The following LRP1B variants were observed in gnomAD, a reference collection of about 807,000 sequenced individuals.
LRP1B encodes the protein low-density lipoprotein receptor-related protein 1B.
LRP1B carries 217 observed loss-of-function variants against 556.6 expected under a neutral mutation model. The observed-to-expected ratio is 0.39, with a 90% confidence interval of 0.35 to 0.44. LRP1B has a LOEUF of 0.44. Ranked by LOEUF, LRP1B falls within the 20% of genes least tolerant of loss-of-function variation. LRP1B has a pLI of 1.00. For missense variants in LRP1B, 5,053 were observed against 5,620.8 expected (o/e 0.90, Z 3.23); for synonymous variants, 2,047 against 1,865.8 (o/e 1.10, Z -2.50).
At position 141,579,724 on chromosome 2, in the gene LRP1B, C is replaced by CTTTTTCTT. The variant is rs1553538238; in HGVS notation, c.206-99192_206-99191insAAGAAAAA. Among the ~76,000 whole-genome samples the CTTTTTCTT allele has an allele frequency of 1.5e-4, 15 of 100,964 alleles. 3 individuals are homozygous for CTTTTTCTT. The highest frequency in any genetic ancestry group is 6.2e-4 in the African/African-American group (14 of 22,478). The allele number at this position is 100,964 out of a possible 152,430, so 66.2% of individuals were successfully genotyped here. A position where few individuals can be genotyped will look rare whatever the true frequency, so the allele number is the denominator to read the frequency against. ...CATAAGGAAAACATATCAGGTTTCA[C>CTTTTTCTT]TTTTTTTTTTTTTTTTTTGAGACGG... is the stretch of plus-strand genomic sequence containing the variant. On this transcript the variant is annotated intron_variant, in intron 2 of 90. Coordinates refer to ENST00000389484, the MANE Select transcript of LRP1B (RefSeq NM_018557.3).
intron 72 of LRP1B, among the ~76,000 whole-genome samples, chr2:140,363,531 T>A (rs1026388414): frequency 1.3e-5 from 2 of 151,616 alleles, no homozygotes; most frequent in Non-Finnish European, 3.0e-5. Flanking sequence ...TAAGCTCTCA[T>A]ATTGTTAAAT....
At position 140,931,694 on chromosome 2, in the gene LRP1B, C is replaced by A. The variant is rs193096187; in HGVS notation, c.3137-8547G>T. ...CACCCAAGTTAAAGTACTATCGAAG[C>A]AAAATCTACATAAAACATTGATTTA... On this transcript the variant is annotated intron_variant, in intron 20 of 90. Transcript: ENST00000389484. Among the ~76,000 whole-genome samples the A allele has an allele frequency of 3.6e-3, 550 of 152,144 alleles. 1 individual carries two copies. Among genetic ancestry groups the A allele is most frequent in the African/African-American group, 0.013 (524 of 41,520 alleles).
chr2:142,021,110 T>C lies in LRP1B; in HGVS notation c.82+109538A>G, dbSNP rs1321433912. Among the ~76,000 whole-genome samples, 4 of 152,178 alleles carry C rather than the reference T, an allele frequency of 2.6e-5. No homozygotes were observed. The East Asian group carries it at 5.8e-4, about 22-fold the overall frequency. On this transcript the variant is annotated intron_variant, in intron 1 of 90. Coordinates refer to ENST00000389484, the MANE Select transcript of LRP1B (RefSeq NM_018557.3). ...CTGACAATGCAGAGAAGAAAACATA[T>C]GTTCTCCCTTACAAACCTCTAATAC...
At position 141,316,439 on chromosome 2, in the gene LRP1B, TA is replaced by T. The variant is rs558002617; in HGVS notation, c.344-61799del. ...CCTTTTCATTTCCATTGTATCACTT[TA>T]AAAGAGAACAGCACCTTTGAAGAAA... On this transcript the variant is annotated intron_variant, in intron 3 of 90. Transcript: ENST00000389484. Among the ~76,000 whole-genome samples the T allele has an allele frequency of 4.5e-3, 692 of 152,302 alleles. 6 individuals are homozygous for T. The highest frequency in any genetic ancestry group is 0.016 in the African/African-American group (661 of 41,560).
rs189138228 is a variant in LRP1B, at chr2:141,878,357, G to A, written c.83-67956C>T. On this transcript the variant is annotated intron_variant, in intron 1 of 90. Coordinates refer to ENST00000389484, the MANE Select transcript of LRP1B (RefSeq NM_018557.3). ...AACAGTGAGCTGATTCTAAGGTACCGGCAAAAAATAACAACAACAACAAAA... is the reference window on the plus strand; with the variant it reads ...AACAGTGAGCTGATTCTAAGGTACCAGCAAAAAATAACAACAACAACAAAA... Among the ~76,000 whole-genome samples the A allele has an allele frequency of 6.0e-5, 9 of 151,064 alleles. No homozygotes were observed. In the East Asian group the frequency reaches 1.4e-3, roughly 23 times the overall value.
chr2:141,844,878 G>A (rs1697591921), intron 1 of LRP1B, among the ~76,000 whole-genome samples: 1 of 151,810 alleles, frequency 6.6e-6, no homozygotes, highest in African/African-American at 2.4e-5. Context: ...CATTTGAGAT[G>A]CTATGATTAT....
intron 18 of LRP1B, among the ~76,000 whole-genome samples, chr2:140,969,903 T>G (rs929361855): frequency 1.3e-5 from 2 of 152,234 alleles, no homozygotes; most frequent in African/African-American, 4.8e-5. Context: ...GTTAGTCTGA[T>G]GGACTTCCCT....
intron 3 of LRP1B, among the ~76,000 whole-genome samples, chr2:141,365,435 G>A (rs11889045): frequency 0.061 from 9,131 of 149,774 alleles, 380 homozygotes; most frequent in African/African-American, 0.11. Context: ...GTCCCATAAA[G>A]AATGAAACAT....
intron 20 of LRP1B, among the ~76,000 whole-genome samples, chr2:140,943,707 C>T (rs1306576540): frequency 1.3e-5 from 2 of 151,934 alleles, no homozygotes; most frequent in African/African-American, 2.4e-5. Context: ...TATTTAAAAA[C>T]TTCTTTGAAA....
chr2:141,522,054 T>C (rs1268802785), intron 2 of LRP1B, among the ~76,000 whole-genome samples: 2 of 152,124 alleles, frequency 1.3e-5, no homozygotes, highest in African/African-American at 4.8e-5. Context: ...GGCAACAGCA[T>C]ACATTACTCT....
chr2:141,472,459 GA>G (rs1311162661), intron 3 of LRP1B, among the ~76,000 whole-genome samples: 1 of 152,152 alleles, frequency 6.6e-6, no homozygotes, highest in African/African-American at 2.4e-5. Flanking sequence ...AGAATCACTT[GA>G]ACCCCGGAGG....
chr2:142,089,725 A>C (rs145952575), intron 1 of LRP1B, among the ~76,000 whole-genome samples: 2 of 152,332 alleles, frequency 1.3e-5, no homozygotes, highest in African/African-American at 4.8e-5. Flanking sequence ...CAATGAAGAT[A>C]CTCAAGAAGG....
intron 7 of LRP1B, among the ~76,000 whole-genome samples, chr2:141,065,286 G>A (rs370887670): frequency 6.6e-6 from 1 of 151,794 alleles, no homozygotes; most frequent in Admixed American, 6.6e-5. Flanking sequence ...CTCTTAAGAA[G>A]GTTAGGAAAG....
chr2:141,384,158 G>T (rs1422870055), intron 3 of LRP1B, among the ~76,000 whole-genome samples: 1 of 151,980 alleles, frequency 6.6e-6, no homozygotes, highest in African/African-American at 2.4e-5. Flanking sequence ...CTAGTTACAT[G>T]CCAAAGCTAA....
chr2:140,529,435 G>A (rs1205839419), intron 47 of LRP1B, among the ~76,000 whole-genome samples: 2 of 109,084 alleles, frequency 1.8e-5, no homozygotes, highest in Non-Finnish European at 3.6e-5. Context: ...GCTGAAAAGG[G>A]GGGGGGGAAG....
At chr2:140,993,851 T>C (rs1697161501) in intron 16 of LRP1B, 144 bp downstream of exon 16, 3 of 771,966 alleles carry the variant, frequency 3.9e-6, no homozygotes, top group African/African-American at 3.5e-5. Context: ...TGGTCTACTC[T>C]TTATGCAAAA....
At chr2:141,474,000 A>ATTCC (rs70994427) in intron 3 of LRP1B, among the ~76,000 whole-genome samples, 31,331 of 129,444 alleles carry the variant, frequency 0.24, 4,309 homozygotes, top group East Asian at 0.4. Flanking sequence ...GCTTTACTAA[A>ATTCC]TTCCTTCCTT....
At chr2:141,088,087 C>CT (rs1239495676) in intron 7 of LRP1B, among the ~76,000 whole-genome samples, 27 of 151,370 alleles carry the variant, frequency 1.8e-4, no homozygotes, top group African/African-American at 3.9e-4. Context: ...AAAAGACATT[C>CT]TTTTTTTTTG....
intron 2 of LRP1B, among the ~76,000 whole-genome samples, chr2:141,739,078 GC>G (rs1693598839): frequency 6.6e-6 from 1 of 151,932 alleles, no homozygotes; most frequent in Admixed American, 6.6e-5. Context: ...AGCAACAAAA[GC>G]AAAAAGCTAA....
Sources: gnomAD v4.1 joint callset for allele counts (sites outside exome capture counted in the v4.1 genomes callset) on GRCh38, gnomAD v4.1.1 for gene constraint, MANE v1.5 for transcripts, NCBI Gene and HGNC (gene_info 2026-07-23, HGNC 2026-07-21) for gene names.